Variants in EVL observed in about 807,000 individuals in gnomAD.
The protein encoded by EVL is ena/VASP-like protein.
Under a neutral mutation model 59.6 loss-of-function variants are expected in EVL, and 21 were observed. The observed-to-expected ratio is 0.35, with a 90% confidence interval of 0.25 to 0.51. The LOEUF is 0.51. Among genes scored for constraint, EVL ranks in the 20% least tolerant of loss-of-function variants. The pLI is 0.97. For synonymous variants in EVL, 198 were observed against 203.5 expected, an observed-to-expected ratio of 0.97 and a Z score of 0.23; for missense variants, 462 against 546.6, an observed-to-expected ratio of 0.85 and a Z score of 1.54.
chr14:100,027,352 C>A (rs2061231336), intron 1 of EVL, among the ~76,000 whole-genome samples: 1 of 152,116 alleles, frequency 6.6e-6, no homozygotes, highest in Non-Finnish European at 1.5e-5. Context: ...CTTATTCCTT[C>A]TATCAAACTG....
At chr14:100,004,117 TC>T (rs1199282874) in intron 1 of EVL, among the ~76,000 whole-genome samples, 1 of 152,176 alleles carries the variant, frequency 6.6e-6, no homozygotes, top group Non-Finnish European at 1.5e-5. Context: ...GGCACAAGAA[TC>T]ACTTGAACCC....
chr14:100,023,461 G>A (rs2140206150), intron 1 of EVL, among the ~76,000 whole-genome samples: 1 of 149,174 alleles, frequency 6.7e-6, no homozygotes, highest in East Asian at 2.0e-4. Context: ...CCGAGTAGCT[G>A]GGATTACAGG....
intron 1 of EVL, chr14:100,052,745 C>G (rs975065335): frequency 1.3e-5 from 2 of 149,344 alleles, no homozygotes; most frequent in Non-Finnish European, 3.0e-5. Flanking sequence ...AGCAGGAGAC[C>G]GTGTCTCAAA....
chr14:100,137,801 A>G lies in EVL; in HGVS notation c.1093A>G (p.Arg365Gly). 6.2e-7 allele frequency: 1 copy of G among 1,614,030 alleles called. No homozygotes were observed. Among genetic ancestry groups the G allele is most frequent in the Non-Finnish European group, 8.5e-7 (1 of 1,180,014 alleles). Residue 365 changes from arginine to glycine, a missense_variant and splice_region_variant, in exon 11 of 14, where the codon AGG (arginine) becomes GGG (glycine). Coordinates refer to ENST00000392920, the MANE Select transcript of EVL (RefSeq NM_016337.3). ...CCCCCTTCAGTCGCAGCCTCACTCT[A>G]GGTACCGAACAACCCTCCTGCTCAC... The part of the protein sequence containing the change: ...KSPLQSQPHS[R>G]MKPAGSVNDM...
chr14:100,057,713 AAG>A (rs1471362273), intron 1 of EVL, among the ~76,000 whole-genome samples: 2 of 152,194 alleles, frequency 1.3e-5, no homozygotes, highest in Non-Finnish European at 2.9e-5. Context: ...CTCTCAGGCA[AAG>A]TGGTTGAGAA....
At chr14:100,003,732 A>C (rs79867736) in intron 1 of EVL, among the ~76,000 whole-genome samples, 1 of 151,938 alleles carries the variant, frequency 6.6e-6, no homozygotes, top group African/African-American at 2.4e-5. Context: ...AACCTTAATT[A>C]AAAAAAAATT....
At chr14:100,024,426 G>A (rs1159076629) in intron 1 of EVL, among the ~76,000 whole-genome samples, 1 of 152,202 alleles carries the variant, frequency 6.6e-6, no homozygotes, top group Admixed American at 6.5e-5. Context: ...ACATTGATCT[G>A]AGCTGAGGAA....
At chr14:99,985,011 A>G (rs1314402445) in intron 1 of EVL, among the ~76,000 whole-genome samples, 2 of 152,048 alleles carry the variant, frequency 1.3e-5, no homozygotes, top group African/African-American at 4.8e-5. Context: ...CAGGACATTT[A>G]GTTTAGTTTG....
chr14:100,022,379 G>A (rs1042216519), intron 1 of EVL, among the ~76,000 whole-genome samples: 1 of 151,190 alleles, frequency 6.6e-6, no homozygotes, highest in Non-Finnish European at 1.5e-5. Flanking sequence ...CTGGATTCAA[G>A]CAATCCTTCT....
chr14:100,128,028 C>T (rs74454118), intron 5 of EVL, among the ~76,000 whole-genome samples: 7,737 of 152,298 alleles, frequency 0.051, 273 homozygotes, highest in Non-Finnish European at 0.074. Context: ...GCCCAGCACT[C>T]GGCATTGCGC....
rs756735010 is a variant in EVL at position 100,028,130 on chromosome 14, G to GTTTTTT, written c.5+56076_5+56077insTTTTTT. ...TCTACTTTTAGTTGTTTTTTTGTTTGTTTGTTTTTTTTTTTTTTTTTGAGG... is the reference window on the plus strand; with the variant it reads ...TCTACTTTTAGTTGTTTTTTTGTTTGTTTTTTTTTGTTTTTTTTTTTTTTTTTGAGG... On this transcript the variant is annotated intron_variant, in intron 1 of 13. Transcript: ENST00000402714. Among the ~76,000 whole-genome samples the GTTTTTT allele has an allele frequency of 2.1e-3, 208 of 99,422 alleles. 1 individual carries two copies. Among genetic ancestry groups the GTTTTTT allele is most frequent in the African/African-American group, 9.9e-3 (201 of 20,366 alleles). The allele number at this position is 99,422 out of a possible 152,430, so 65.2% of individuals were successfully genotyped here.
At chr14:100,014,330 A>C (rs1035996315) in intron 1 of EVL, among the ~76,000 whole-genome samples, 1 of 152,176 alleles carries the variant, frequency 6.6e-6, no homozygotes, top group South Asian at 2.1e-4. Context: ...CATTCTTCTC[A>C]CAAGTTCAAT....
At chr14:100,110,872 C>T (rs536254834) in intron 3 of EVL, among the ~76,000 whole-genome samples, 21 of 152,314 alleles carry the variant, frequency 1.4e-4, no homozygotes, top group African/African-American at 5.1e-4. Context: ...ACAGCCCAGG[C>T]GCCATGTGCC....
Position 100,126,725 on chromosome 14 carries a change from C to G in EVL, c.441C>G (p.His147Gln), listed in dbSNP as rs1888095699. 6.2e-7 allele frequency: 1 copy of G among 1,614,128 alleles called. No homozygotes were observed. Among genetic ancestry groups the G allele is most frequent in the Non-Finnish European group, 8.5e-7 (1 of 1,180,008 alleles). ...TTTCCAGACAAGTGATGGAGCAGCACCAGCAGCAGCGTCAGGAATCTCTAG... is the reference window on the plus strand; with the variant it reads ...TTTCCAGACAAGTGATGGAGCAGCAGCAGCAGCAGCGTCAGGAATCTCTAG... ...DIQRRQVMEQ[H>Q]QQQRQESLER... The change falls in exon 5 of 14, where the codon CAC (histidine) becomes CAG (glutamine). Residue 147 changes from histidine (H) to glutamine (Q), a missense_variant. By Grantham distance (24) the His-to-Gln change is conservative. Coordinates refer to ENST00000392920, the MANE Select transcript of EVL (RefSeq NM_016337.3).
rs966633455 is a variant in EVL at position 100,109,158 on chromosome 14, C to T, written c.358+11500C>T. On this transcript the variant is annotated intron_variant, in intron 3 of 13. Transcript: ENST00000392920. This position sits in a 1 kb window ranked among gnomAD's most constrained non-coding sequence, Gnocchi z 4.3. ...CACCACCTGCACTGCATATTCTCAC[C>T]GTCTCTCCCCTGACACTCTCTCCCC... is the stretch of plus-strand genomic sequence containing the variant. Among the ~76,000 whole-genome samples the T allele has an allele frequency of 2.6e-5, 4 of 152,194 alleles. No homozygotes were observed. Among genetic ancestry groups the T allele is most frequent in the South Asian group, 2.1e-4 (1 of 4,828 alleles).
chr14:100,112,083 C>T (rs939135696), intron 3 of EVL, among the ~76,000 whole-genome samples: 3 of 152,208 alleles, frequency 2.0e-5, no homozygotes, highest in Non-Finnish European at 2.9e-5. Context: ...CCTCGCGTAG[C>T]GTGTATCATT....
chr14:100,107,555 C>T (rs1886650004), intron 3 of EVL: 6 of 356,452 alleles, frequency 1.7e-5, no homozygotes, highest in Non-Finnish European at 3.0e-5. Flanking sequence ...CATGAAAGAT[C>T]ACTTTTTCCA....
intron 1 of EVL, among the ~76,000 whole-genome samples, chr14:100,002,493 G>C (rs1017030517): frequency 1.4e-4 from 22 of 152,080 alleles, no homozygotes; most frequent in Admixed American, 6.5e-5. Context: ...AATTATAGGA[G>C]TTTCCTATAA....
intron 1 of EVL, among the ~76,000 whole-genome samples, chr14:100,039,017 T>C (rs926856847): frequency 6.6e-6 from 1 of 151,778 alleles, no homozygotes; most frequent in South Asian, 2.1e-4. Context: ...TTTCAGAAAA[T>C]AGAGTCATTA....
Sources: allele counts gnomAD v4.1 joint callset (sites outside exome capture counted in the v4.1 genomes callset), GRCh38; gene constraint gnomAD v4.1.1; non-coding constraint Gnocchi (gnomAD v3.1); transcripts MANE v1.5; gene names NCBI Gene and HGNC (gene_info 2026-07-23, HGNC 2026-07-21).